The following TSPAN33 variants were observed in gnomAD, a reference collection of about 807,000 sequenced individuals.
TSPAN33 encodes the protein tetraspanin-33.
TSPAN33 carries 27 observed loss-of-function variants against 34.8 expected under a neutral mutation model. The observed-to-expected ratio is 0.78, with a 90% CI of 0.57 to 1.07. The LOEUF (loss-of-function observed/expected upper bound fraction) is 1.07. Among genes scored for constraint, TSPAN33 ranks in the 50% least tolerant of loss-of-function variants. TSPAN33 has a pLI of 0.00. For missense variants in TSPAN33, 272 were observed against 324.9 expected, an observed-to-expected ratio of 0.84 and a Z score of 1.25; for synonymous variants, 119 against 124.2, an observed-to-expected ratio of 0.96 and a Z score of 0.28.
chr7:129,162,817 T>A lies in TSPAN33; in HGVS notation c.289-16T>A. ...ATGAGTGGTCCTAGACGCCTCTTCT[T>A]CCTGCTGCTCCACAGTTCTCCCTCT... On this transcript the variant is annotated splice_polypyrimidine_tract_variant and intron_variant, in intron 3 of 7. Coordinates refer to ENST00000486685, the MANE Select transcript of TSPAN33 (RefSeq NM_178562.5). The A allele has an allele frequency of 6.2e-7, 1 of 1,613,318 alleles. No homozygotes were observed. Among genetic ancestry groups the A allele is most frequent in the Non-Finnish European group, 8.5e-7 (1 of 1,179,874 alleles).
Position 129,161,574 on chromosome 7 carries a change from G to A in TSPAN33, c.103-105G>A, listed in dbSNP as rs185981265. On this transcript the variant is annotated intron_variant, in intron 1 of 7. Coordinates refer to ENST00000486685, the MANE Select transcript of TSPAN33 (RefSeq NM_178562.5). ...GGAGGTGAAAGATGCTCACCTTTGG[G>A]TCCCAGGAAAGCAGTCCTTCTCCTG... 1.4e-5 allele frequency: 15 copies of A among 1,084,424 alleles called. No homozygotes were observed. In the Admixed American group the frequency reaches 2.7e-4, roughly 19 times the overall value. 67.2% of individuals were successfully genotyped at this position (1,084,424 alleles called of 1,614,324 possible). A position where few individuals can be genotyped will look rare whatever the true frequency, so the allele number is the denominator to read the frequency against.
At chr7:129,160,337 T>G (rs1196668326) in intron 1 of TSPAN33, among the ~76,000 whole-genome samples, 2 of 152,168 alleles carry the variant, frequency 1.3e-5, no homozygotes, top group Non-Finnish European at 2.9e-5. Flanking sequence ...CCCCACTGAG[T>G]TGGTCAAGAC....
intron 1 of TSPAN33, among the ~76,000 whole-genome samples, chr7:129,153,952 AAAG>A (rs982962580): frequency 2.2e-4 from 33 of 152,008 alleles, no homozygotes; most frequent in African/African-American, 5.3e-4. Context: ...AAAGAAAAAA[AAAG>A]AAGAAGAATA....
rs755391797 is a variant in TSPAN33, at chr7:129,165,767, G to A, written c.460-1011G>A. Among the ~76,000 whole-genome samples the A allele has an allele frequency of 8.6e-5, 13 of 152,018 alleles. No homozygotes were observed. Among genetic ancestry groups the A allele is most frequent in the Non-Finnish European group, 1.8e-4 (12 of 68,014 alleles). On this transcript the variant is annotated intron_variant, in intron 5 of 7. Coordinates refer to ENST00000486685, the MANE Select transcript of TSPAN33 (RefSeq NM_178562.5). The surrounding 1 kb of genome is among the most constrained non-coding windows in gnomAD (Gnocchi z 4.5). ...TCCACCAAAAATACAAAAATTAGCC[G>A]GGTTTGGTGGCGCACACCTGTAGTC...
intron 1 of TSPAN33, among the ~76,000 whole-genome samples, chr7:129,152,721 G>A (rs1175687646): frequency 6.6e-6 from 1 of 150,476 alleles, no homozygotes; most frequent in Non-Finnish European, 1.5e-5. Flanking sequence ...AACAGGAAAT[G>A]AAGTTGTAAC....
chr7:129,167,646 G>C lies in TSPAN33; in HGVS notation c.750+86G>C. On this transcript the variant is annotated intron_variant, in intron 7 of 7. Transcript: ENST00000486685. This position sits in a 1 kb window ranked among gnomAD's most constrained non-coding sequence, Gnocchi z 4.6. ...GGAAGGCACCTGGGGATCAGCGAGG[G>C]TGTCAGGCACTGACATGGCTGAGGG... 6.4e-7 allele frequency: 1 copy of C among 1,565,758 alleles called. No individual in the cohort carries two copies. Among genetic ancestry groups the C allele is most frequent in the Non-Finnish European group, 8.7e-7 (1 of 1,144,636 alleles).
chr7:129,166,378 C>G (rs1793139582), intron 5 of TSPAN33: 1 of 156,120 alleles, frequency 6.4e-6, no homozygotes, highest in South Asian at 2.0e-4. Context: ...AAGATTCCTC[C>G]CCTGTGTTTT....
rs1810553002 is a variant in TSPAN33, at chr7:129,148,735, T to C, written c.102+3653T>C. On this transcript the variant is annotated intron_variant, in intron 1 of 7. Transcript: ENST00000486685. This position sits in a 1 kb window ranked among gnomAD's most constrained non-coding sequence, Gnocchi z 4.2. ...ACTTACTGCCTACAGCATCTGGATTTTCTCACTTCCACTGCCACATATATG... is the reference window on the plus strand; with the variant it reads ...ACTTACTGCCTACAGCATCTGGATTCTCTCACTTCCACTGCCACATATATG... 6.6e-6 allele frequency among the ~76,000 whole-genome samples: 1 copy of C among 152,112 alleles called. No homozygotes were observed. The highest frequency in any genetic ancestry group is 1.5e-5 in the Non-Finnish European group (1 of 68,022).
rs373398421 is a variant in TSPAN33 at position 129,161,661 on chromosome 7, C to T, written c.103-18C>T. The stretch of plus-strand genomic sequence containing the variant: ...GTTTCCAGAATCTCAGGGTCTGGCT[C>T]TTTTCCTGTCTCCACAGGTGATTTC... On this transcript the variant is annotated intron_variant, in intron 1 of 7. Coordinates refer to ENST00000486685, the MANE Select transcript of TSPAN33 (RefSeq NM_178562.5). 3.1e-6 allele frequency: 5 copies of T among 1,614,018 alleles called. No homozygotes were observed. The highest frequency in any genetic ancestry group is 4.5e-5 in the East Asian group (2 of 44,884).
chr7:129,153,711 C>T (rs567296386), intron 1 of TSPAN33, among the ~76,000 whole-genome samples: 1 of 151,902 alleles, frequency 6.6e-6, no homozygotes, highest in African/African-American at 2.4e-5. Context: ...GAGGCCATGG[C>T]GGGTGGATCA....
chr7:129,162,782 G>C, intron 3 of TSPAN33, 51 bp from the exon 4 acceptor site: 1 of 1,597,406 alleles, frequency 6.3e-7, no homozygotes, highest in Non-Finnish European at 8.6e-7. Context: ...CCCTGGAAGG[G>C]GTTGCTGCCA....
chr7:129,161,857 A>C, intron 2 of TSPAN33, 121 bp downstream of exon 2: 1 of 1,243,516 alleles, frequency 8.0e-7, no homozygotes, highest in Non-Finnish European at 1.2e-6. Context: ...CCCTGGAGCC[A>C]AATCTTCATG....
intron 1 of TSPAN33, among the ~76,000 whole-genome samples, chr7:129,147,550 T>C (rs1032230738): frequency 3.9e-5 from 6 of 152,218 alleles, no homozygotes; most frequent in African/African-American, 1.2e-4. Flanking sequence ...TCCTAGCTCC[T>C]CTTCAGGGAC....
Position 129,148,466 on chromosome 7 carries a change from T to C in TSPAN33, c.102+3384T>C, listed in dbSNP as rs1383700843. Among the ~76,000 whole-genome samples, 1 of 152,230 alleles carries C rather than the reference T, an allele frequency of 6.6e-6. No individual in the cohort carries two copies. Among genetic ancestry groups the C allele is most frequent in the African/African-American group, 2.4e-5 (1 of 41,460 alleles). Reference sequence around the variant, plus strand: ...GCTGTGTTTGGCATAAATTGGGTGCTTACTGAATGTTTATTGGATGGTGAG... The same window carrying C: ...GCTGTGTTTGGCATAAATTGGGTGCCTACTGAATGTTTATTGGATGGTGAG... On this transcript the variant is annotated intron_variant, in intron 1 of 7. Transcript: ENST00000486685. This position sits in a 1 kb window ranked among gnomAD's most constrained non-coding sequence, Gnocchi z 4.2.
At chr7:129,152,662 G>A (rs1300573982) in intron 1 of TSPAN33, among the ~76,000 whole-genome samples, 1 of 151,948 alleles carries the variant, frequency 6.6e-6, no homozygotes, top group Non-Finnish European at 1.5e-5. Flanking sequence ...ACTCCAGCCT[G>A]GGTGACAGAG....
rs887862272 is a variant in TSPAN33, at chr7:129,169,664, A to T, written c.*1790A>T. 1 of 152,274 alleles carries T rather than the reference A, an allele frequency of 6.6e-6. No homozygotes were observed. Among genetic ancestry groups the T allele is most frequent in the South Asian group, 2.1e-4 (1 of 4,834 alleles). 9.4% of individuals were successfully genotyped at this position (152,274 alleles called of 1,614,324 possible). A position where few individuals can be genotyped will look rare whatever the true frequency, so the allele number is the denominator to read the frequency against. ...AGCTCCCAACTAGTAACAGACGGAA[A>T]GAAAAAATAAAATTATCCAGAATCT... On this transcript the variant is annotated 3_prime_UTR_variant, in exon 8 of 8. Transcript: ENST00000486685.
chr7:129,149,108 C>T (rs1303695100), intron 1 of TSPAN33, among the ~76,000 whole-genome samples: 1 of 152,098 alleles, frequency 6.6e-6, no homozygotes, highest in East Asian at 1.9e-4. Context: ...AAGACAGATG[C>T]TTTTTATAAA....
intron 1 of TSPAN33, among the ~76,000 whole-genome samples, chr7:129,146,244 G>A (rs1810518617): frequency 6.6e-6 from 1 of 152,194 alleles, no homozygotes; most frequent in Non-Finnish European, 1.5e-5. Context: ...GTGAGGTGCA[G>A]ACACAAAGCC....
At chr7:129,152,520 C>A (rs1462662862) in intron 1 of TSPAN33, among the ~76,000 whole-genome samples, 1 of 152,102 alleles carries the variant, frequency 6.6e-6, no homozygotes, top group Non-Finnish European at 1.5e-5. Context: ...AATCCCGCCT[C>A]TACTAAAACT....
Sources: allele counts gnomAD v4.1 joint callset (sites outside exome capture counted in the v4.1 genomes callset), GRCh38; gene constraint gnomAD v4.1.1; non-coding constraint Gnocchi (gnomAD v3.1); transcripts MANE v1.5; gene names NCBI Gene and HGNC (gene_info 2026-07-23, HGNC 2026-07-21).